FREM3: variants seen among roughly 807,000 people sequenced by gnomAD.
FREM3 encodes the protein FRAS1 related extracellular matrix 3.
FREM3 carries 105 observed loss-of-function variants against 129.1 expected under a neutral mutation model. The observed-to-expected ratio is 0.81, with a 90% CI of 0.69 to 0.96. The LOEUF is 0.96. FREM3 is among the 40% of genes least tolerant of loss of function. FREM3 has a pLI of 0.00. For synonymous variants in FREM3, 1,014 were observed against 1,044.9 expected (o/e 0.97, Z 0.57); for missense variants, 2,593 against 2,666.3 (o/e 0.97, Z 0.61).
chr4:143,635,171 G>A (rs1308073505), intron 2 of FREM3, among the ~76,000 whole-genome samples: 1 of 152,118 alleles, frequency 6.6e-6, no homozygotes, highest in Non-Finnish European at 1.5e-5. Flanking sequence ...TTTGGGGACA[G>A]TTTCATTTGG....
chr4:143,696,240 G>C lies in FREM3; in HGVS notation c.4436C>G (p.Ala1479Gly), dbSNP rs1560876394. 6.5e-7 allele frequency: 1 copy of C among 1,537,864 alleles called. No homozygotes were observed. The highest frequency in any genetic ancestry group is 8.7e-7 in the Non-Finnish European group (1 of 1,147,058). ...SLGHLESSDY[A>G]GEPIASFTQL... ...AGTGAAAGAGGCAATGGGTTCCCCA[G>C]CATAGTCAGAACTTTCTAAGTGACC... The change falls in exon 1 of 8, where the codon GCT becomes GGT. Residue 1479 changes from alanine (A) to glycine (G), a missense_variant. By Grantham distance (60) the Ala-to-Gly change is moderately conservative (BLOSUM62 0). Coordinates refer to ENST00000329798, the MANE Select transcript of FREM3 (RefSeq NM_001168235.2).
chr4:143,582,114 CA>C (rs34435160), intron 7 of FREM3, among the ~76,000 whole-genome samples: 15,258 of 152,150 alleles, frequency 0.1, 856 homozygotes, highest in Non-Finnish European at 0.13. Flanking sequence ...AGAGACAAGT[CA>C]AAAGCCCTTT....
At chr4:143,635,618 C>T (rs946775669) in intron 2 of FREM3, among the ~76,000 whole-genome samples, 10 of 152,188 alleles carry the variant, frequency 6.6e-5, no homozygotes, top group African/African-American at 2.4e-4. Flanking sequence ...TTAAGAACTA[C>T]TGGTGTAGGT....
intron 2 of FREM3, among the ~76,000 whole-genome samples, chr4:143,684,380 T>C (rs887122007): frequency 3.9e-5 from 6 of 152,188 alleles, no homozygotes; most frequent in African/African-American, 9.6e-5. Context: ...GTAGACTTGC[T>C]GGGTGGCTAG....
At chr4:143,649,134 T>C (rs778941827) in intron 2 of FREM3, 11 of 152,222 alleles carry the variant, frequency 7.2e-5, no homozygotes, top group Admixed American at 2.0e-4. Context: ...AATTTAATTT[T>C]AATAAGGATA....
At position 143,696,539 on chromosome 4, in the gene FREM3, C is replaced by T; in HGVS notation, c.4137G>A (p.Glu1379=). 1 of 1,537,480 alleles carries T rather than the reference C, an allele frequency of 6.5e-7. No individual in the cohort carries two copies. The highest frequency in any genetic ancestry group is 1.7e-4 in the Middle Eastern group (1 of 5,990). ...LTLGMNFTQD[E]INRGLICYIH... ...TATAGCAGATGAGGCCTCTGTTAAT[C>T]TCATCCTGGGTAAAGTTCATTCCCA... The change falls in exon 1 of 8, where the codon GAG becomes GAA. Residue 1379 remains glutamate (E), a synonymous_variant. Transcript: ENST00000329798.
At chr4:143,619,504 G>A (rs1030922151) in intron 5 of FREM3, among the ~76,000 whole-genome samples, 4 of 152,044 alleles carry the variant, frequency 2.6e-5, no homozygotes, top group African/African-American at 4.8e-5. Context: ...TACTCATATC[G>A]TGTGCCATTG....
intron 2 of FREM3, among the ~76,000 whole-genome samples, chr4:143,671,242 A>AGATTAT (rs1348229804): frequency 6.6e-6 from 1 of 152,190 alleles, no homozygotes; most frequent in Non-Finnish European, 1.5e-5. Flanking sequence ...ATTCCAACAT[A>AGATTAT]GATTATGATT....
intron 2 of FREM3, among the ~76,000 whole-genome samples, chr4:143,687,021 A>G (rs1426925168): frequency 6.6e-6 from 1 of 152,168 alleles, no homozygotes; most frequent in African/African-American, 2.4e-5. Context: ...CAAAAAATAC[A>G]AAAGTTAAAT....
intron 6 of FREM3, among the ~76,000 whole-genome samples, chr4:143,590,816 C>G (rs1336824430): frequency 6.6e-6 from 1 of 152,116 alleles, no homozygotes; most frequent in East Asian, 1.9e-4. Context: ...AGAAATGGTA[C>G]CAGCTCCTCC....
chr4:143,595,889 G>GAAAAAAAAAAAAAAAAAA lies in FREM3; in HGVS notation c.6029-9897_6029-9896insTTTTTTTTTTTTTTTTTT, dbSNP rs70953742. Among the ~76,000 whole-genome samples, 14 of 110,642 alleles carry GAAAAAAAAAAAAAAAAAA rather than the reference G, an allele frequency of 1.3e-4. 1 individual carries two copies. The highest frequency in any genetic ancestry group is 5.0e-4 in the African/African-American group (14 of 27,866). The allele number at this position is 110,642 out of a possible 152,430, so 72.6% of individuals were successfully genotyped here. On this transcript the variant is annotated intron_variant, in intron 6 of 7. Coordinates refer to ENST00000329798, the MANE Select transcript of FREM3 (RefSeq NM_001168235.2). The stretch of plus-strand genomic sequence containing the variant: ...GGCGACAGAGCGAGACGCCATCTCA[G>GAAAAAAAAAAAAAAAAAA]AAAAAAAAAAAAAAAGAAGGAACTG...
intron 2 of FREM3, among the ~76,000 whole-genome samples, chr4:143,690,112 A>G (rs1740439471): frequency 6.6e-6 from 1 of 152,014 alleles, no homozygotes; most frequent in Admixed American, 6.6e-5. Flanking sequence ...GAGCTGTAAG[A>G]TGACAGATTT....
At chr4:143,664,366 C>T (rs1422415404) in intron 2 of FREM3, among the ~76,000 whole-genome samples, 1 of 152,124 alleles carries the variant, frequency 6.6e-6, no homozygotes, top group Admixed American at 6.6e-5. Flanking sequence ...ACCCTGTTTG[C>T]CTAGGTAGCA....
rs567877452 is a variant in FREM3, at chr4:143,662,252, T to A, written c.5275+30861A>T. 4.8e-3 allele frequency among the ~76,000 whole-genome samples: 726 copies of A among 152,314 alleles called. 4 individuals are homozygous for A. The highest frequency in any genetic ancestry group is 0.016 in the African/African-American group (685 of 41,568). ...GTGCTACAAATTTCCCTCTACACACTGCTTTGAATGTGTCCCAGAGATTCT... is the reference window on the plus strand; with the variant it reads ...GTGCTACAAATTTCCCTCTACACACAGCTTTGAATGTGTCCCAGAGATTCT... On this transcript the variant is annotated intron_variant, in intron 2 of 7. Coordinates refer to ENST00000329798, the MANE Select transcript of FREM3 (RefSeq NM_001168235.2).
At chr4:143,687,672 G>A (rs1307214978) in intron 2 of FREM3, among the ~76,000 whole-genome samples, 1 of 152,116 alleles carries the variant, frequency 6.6e-6, no homozygotes, top group Non-Finnish European at 1.5e-5. Flanking sequence ...CCATGATCAA[G>A]TGGGTTTCAT....
Position 143,697,152 on chromosome 4 carries a change from T to C in FREM3, c.3524A>G (p.Asn1175Ser). The change falls in exon 1 of 8, where the codon AAC becomes AGC. Residue 1175 changes from asparagine (N) to serine (S), a missense_variant. Coordinates refer to ENST00000329798, the MANE Select transcript of FREM3 (RefSeq NM_001168235.2). ...QFTFYCSDGI[N>S]FSPNVFFPII... ...AGGGAAGAAGACATTTGGGGAGAAG[T>C]TGATGCCATCAGAGCAATAAAAGGT... The C allele has an allele frequency of 6.5e-7, 1 of 1,537,882 alleles. No homozygotes were observed. Among genetic ancestry groups the C allele is most frequent in the Non-Finnish European group, 8.7e-7 (1 of 1,147,054 alleles).
intron 2 of FREM3, among the ~76,000 whole-genome samples, chr4:143,676,257 G>A (rs1429484168): frequency 2.6e-5 from 4 of 151,862 alleles, no homozygotes; most frequent in African/African-American, 4.8e-5. Context: ...CAATAAACTT[G>A]ATCCAGCATA....
intron 2 of FREM3, among the ~76,000 whole-genome samples, chr4:143,660,173 A>T (rs1453301994): frequency 6.7e-6 from 1 of 149,332 alleles, no homozygotes; most frequent in Admixed American, 6.6e-5. Context: ...TATGTCCTGA[A>T]TGGTAATGCC....
intron 2 of FREM3, chr4:143,649,125 A>AT (rs1739469569): frequency 1.3e-5 from 2 of 152,244 alleles, no homozygotes; most frequent in Non-Finnish European, 1.5e-5. Context: ...AATAGAGCCA[A>AT]TTTAATTTTA....
Sources: allele counts gnomAD v4.1 joint callset (sites outside exome capture counted in the v4.1 genomes callset), GRCh38; gene constraint gnomAD v4.1.1; transcripts MANE v1.5; gene names NCBI Gene and HGNC (gene_info 2026-07-23, HGNC 2026-07-21).